SPIN1: variants seen among roughly 807,000 people sequenced by gnomAD.
SPIN1 encodes spindlin 1.
Under a neutral mutation model 26.0 loss-of-function variants are expected in SPIN1, and 3 were observed. The observed-to-expected ratio is 0.12, with a 90% CI of 0.05 to 0.30. The LOEUF (loss-of-function observed/expected upper bound fraction) is 0.30, where lower values mean the gene tolerates loss of function less well. Ranked by LOEUF, SPIN1 falls within the 10% of genes least tolerant of loss-of-function variation. The probability of loss-of-function intolerance (pLI) is 1.00; values close to 1 mark genes in which losing one functional copy is unlikely to be tolerated. For synonymous variants in SPIN1, 101 were observed against 116.5 expected, an observed-to-expected ratio of 0.87 and a Z score of 0.86; for missense variants, 126 against 333.4, an observed-to-expected ratio of 0.38 and a Z score of 4.84.
chr9:88,457,482 A>AT (rs1159686722), intron 3 of SPIN1, among the ~76,000 whole-genome samples: 1 of 152,122 alleles, frequency 6.6e-6, no homozygotes, highest in East Asian at 1.9e-4. Context: ...GTGAGCTGAG[A>AT]TTGCACCACT....
At chr9:88,411,738 C>T (rs987231214) in intron 1 of SPIN1, among the ~76,000 whole-genome samples, 36 of 152,068 alleles carry the variant, frequency 2.4e-4, no homozygotes, top group Non-Finnish European at 3.2e-4. Flanking sequence ...TGGTCTTGAA[C>T]GCCTGGGCTC....
intron 1 of SPIN1, chr9:88,391,599 G>A (rs1452657608): frequency 4.6e-5 from 7 of 152,148 alleles, no homozygotes; most frequent in Non-Finnish European, 1.0e-4. Context: ...TACTCCTGAG[G>A]CAAGCCATCT....
At chr9:88,406,935 C>T (rs1346776239) in intron 1 of SPIN1, among the ~76,000 whole-genome samples, 2 of 152,084 alleles carry the variant, frequency 1.3e-5, no homozygotes, top group African/African-American at 4.8e-5. Context: ...TGTATTTTAT[C>T]TTGACAGGTT....
At chr9:88,395,766 A>T (rs1159859292) in intron 1 of SPIN1, among the ~76,000 whole-genome samples, 2 of 151,988 alleles carry the variant, frequency 1.3e-5, no homozygotes, top group Non-Finnish European at 2.9e-5. Context: ...TTACATTTTC[A>T]GGCTCAGTGT....
intron 1 of SPIN1, among the ~76,000 whole-genome samples, chr9:88,398,543 C>T (rs562412052): frequency 6.6e-6 from 1 of 151,982 alleles, no homozygotes; most frequent in South Asian, 2.1e-4. Context: ...AGGTGTTTGT[C>T]ATACAGTGAT....
rs11142282 is a variant in SPIN1, at chr9:88,406,005, C to G, written c.-159+17467C>G. Among the ~76,000 whole-genome samples, 905 of 103,346 alleles carry G rather than the reference C, an allele frequency of 8.8e-3. 20 individuals carry two copies. The highest frequency in any genetic ancestry group is 0.049 in the African/African-American group (770 of 15,860). 67.8% of individuals were successfully genotyped at this position (103,346 alleles called of 152,430 possible). ...ATGCCACCGTGCCTGGCTTGTGTGT[C>G]TGTGTGTGTGTGTGTGTGTGTGTGT... On this transcript the variant is annotated intron_variant, in intron 1 of 5. Coordinates refer to ENST00000375859, the MANE Select transcript of SPIN1 (RefSeq NM_006717.3).
chr9:88,422,724 T>C (rs537706861), intron 1 of SPIN1, among the ~76,000 whole-genome samples: 10 of 152,106 alleles, frequency 6.6e-5, no homozygotes, highest in Admixed American at 2.0e-4. Context: ...CTTTTTTTTT[T>C]TTGAAATGAA....
Position 88,426,516 on chromosome 9 carries a change from C to G in SPIN1, c.-24C>G. On this transcript the variant is annotated 5_prime_UTR_variant, in exon 2 of 6. Transcript: ENST00000375859. ...AATTTTCACCCTAGTCCAGCAGCTC[C>G]GCTGCTCACTTAAATACAGATGAAT... is the stretch of plus-strand genomic sequence containing the variant. 4 of 1,602,604 alleles carry G rather than the reference C, an allele frequency of 2.5e-6. No individual in the cohort carries two copies. Among genetic ancestry groups the G allele is most frequent in the Non-Finnish European group, 3.4e-6 (4 of 1,170,738 alleles).
intron 1 of SPIN1, among the ~76,000 whole-genome samples, chr9:88,409,957 C>T (rs1247431266): frequency 6.6e-6 from 1 of 151,292 alleles, no homozygotes; most frequent in Non-Finnish European, 1.5e-5. Flanking sequence ...TTACCAGTCC[C>T]CCTGTAACCC....
intron 5 of SPIN1, among the ~76,000 whole-genome samples, chr9:88,469,297 C>T (rs1189544440): frequency 2.6e-5 from 4 of 152,192 alleles, no homozygotes; most frequent in African/African-American, 4.8e-5. Context: ...CTGCTCACCT[C>T]CTGCTGTGCG....
intron 1 of SPIN1, among the ~76,000 whole-genome samples, chr9:88,415,916 T>A (rs537340644): frequency 1.9e-3 from 287 of 151,052 alleles, no homozygotes; most frequent in African/African-American, 6.8e-3. Context: ...GCTAATTTTT[T>A]TTTTTTTTTT....
intron 2 of SPIN1, among the ~76,000 whole-genome samples, chr9:88,439,820 A>G (rs767286678): frequency 6.6e-6 from 1 of 152,158 alleles, no homozygotes; most frequent in Non-Finnish European, 1.5e-5. Flanking sequence ...GATTATTGGT[A>G]GCAAGCTGTA....
At chr9:88,469,328 G>GA (rs1369593532) in intron 5 of SPIN1, among the ~76,000 whole-genome samples, 1 of 152,186 alleles carries the variant, frequency 6.6e-6, no homozygotes, top group Non-Finnish European at 1.5e-5. Context: ...AGGTGTCTGG[G>GA]ACTCCTGATT....
chr9:88,460,176 T>G (rs1428242923), intron 3 of SPIN1, among the ~76,000 whole-genome samples: 2 of 152,190 alleles, frequency 1.3e-5, no homozygotes, highest in African/African-American at 4.8e-5. Flanking sequence ...TGATTTTAGT[T>G]TTTAGGTTCT....
rs1427304139 is a variant in SPIN1, at chr9:88,477,645, G to A, written c.*2368G>A. ...CTGCTCCCAAGCCCTTGTATCTTGG[G>A]CTTCATTTTAGGCTCATGTGTCAGA... On this transcript the variant is annotated 3_prime_UTR_variant, in exon 6 of 6. Transcript: ENST00000375859. 1 of 152,502 alleles carries A rather than the reference G, an allele frequency of 6.6e-6. No individual in the cohort carries two copies. Among genetic ancestry groups the A allele is most frequent in the Non-Finnish European group, 1.5e-5 (1 of 68,018 alleles). The allele number at this position is 152,502 out of a possible 1,614,324, so 9.4% of individuals were successfully genotyped here.
At chr9:88,454,439 T>A (rs1412907916) in intron 3 of SPIN1, among the ~76,000 whole-genome samples, 1 of 152,196 alleles carries the variant, frequency 6.6e-6, no homozygotes, top group Non-Finnish European at 1.5e-5. Context: ...AGTTTGCTTT[T>A]ATATACACTA....
chr9:88,458,043 A>T, intron 3 of SPIN1: 1 of 905,394 alleles, frequency 1.1e-6, no homozygotes, highest in South Asian at 5.1e-5. Flanking sequence ...GATGAAAAGT[A>T]TAGGTTTTGA....
intron 5 of SPIN1, among the ~76,000 whole-genome samples, chr9:88,471,092 T>A (rs746296898): frequency 4.1e-4 from 62 of 152,216 alleles, no homozygotes; most frequent in Non-Finnish European, 8.5e-4. Context: ...TGCACAAAAG[T>A]TTTAAACTCT....
intron 5 of SPIN1, among the ~76,000 whole-genome samples, 172 bp from the exon 6 acceptor site, chr9:88,474,906 C>T (rs1051682162): frequency 6.6e-6 from 1 of 152,038 alleles, no homozygotes; most frequent in Non-Finnish European, 1.5e-5. Context: ...TATTTACTGT[C>T]TTGTCTTTTA....
Sources: gnomAD v4.1 joint callset for allele counts (sites outside exome capture counted in the v4.1 genomes callset) on GRCh38, gnomAD v4.1.1 for gene constraint, MANE v1.5 for transcripts, NCBI Gene and HGNC (gene_info 2026-07-23, HGNC 2026-07-21) for gene names.